The following EDA variants were observed in gnomAD, a reference collection of about 807,000 sequenced individuals.
The protein encoded by EDA is ectodysplasin-A.
Under a neutral mutation model 23.6 loss-of-function variants are expected in EDA, and 2 were observed. The observed-to-expected ratio is 0.08, with a 90% confidence interval of 0.03 to 0.27. EDA has a LOEUF of 0.27. Ranked by LOEUF, EDA falls within the 10% of genes least tolerant of loss-of-function variation. The probability of loss-of-function intolerance (pLI) is 1.00; values close to 1 mark genes in which losing one functional copy is unlikely to be tolerated. For synonymous variants in EDA, 131 were observed against 132.0 expected, an observed-to-expected ratio of 0.99 and a Z score of 0.05; for missense variants, 229 against 324.2, an observed-to-expected ratio of 0.71 and a Z score of 2.26.
At chrX:69,859,945 T>G (rs529118719) in intron 1 of EDA, among the ~76,000 whole-genome samples, 2 of 110,026 alleles carry the variant, frequency 1.8e-5, no homozygotes, top group Admixed American at 2.0e-4. Flanking sequence ...TTAGATCTTC[T>G]TTTTCAATAG....
chrX:69,924,195 T>C (rs893190467), intron 1 of EDA, among the ~76,000 whole-genome samples: 9 of 112,057 alleles, frequency 8.0e-5, no homozygotes, highest in Non-Finnish European at 1.5e-4. Context: ...CAATTTTGGC[T>C]TTTGTTGCAA....
intron 1 of EDA, among the ~76,000 whole-genome samples, chrX:69,700,601 C>T (rs764713933): frequency 4.5e-5 from 5 of 110,136 alleles, no homozygotes; most frequent in Non-Finnish European, 7.6e-5. Flanking sequence ...GGCAAGGAGG[C>T]GAGAAATGAT....
At chrX:69,635,476 C>T (rs1932755321) in intron 1 of EDA, among the ~76,000 whole-genome samples, 1 of 109,765 alleles carries the variant, frequency 9.1e-6, no homozygotes, top group South Asian at 4.0e-4. Context: ...GTGAGTACTA[C>T]TACCATTCAT....
At chrX:69,928,450 C>T (rs996264286) in intron 1 of EDA, among the ~76,000 whole-genome samples, 19 of 111,365 alleles carry the variant, frequency 1.7e-4, no homozygotes, top group African/African-American at 5.9e-4. Context: ...TGGAAATGCC[C>T]ATGTTATGTT....
At chrX:69,941,639 A>G (rs1259102342) in intron 1 of EDA, among the ~76,000 whole-genome samples, 2 of 110,422 alleles carry the variant, frequency 1.8e-5, no homozygotes, top group Non-Finnish European at 3.8e-5. Flanking sequence ...ATCTTTTCCC[A>G]TCCCTTTATT....
chrX:69,938,545 C>G (rs1602549145), intron 1 of EDA, among the ~76,000 whole-genome samples: 1 of 111,658 alleles, frequency 9.0e-6, no homozygotes, highest in Admixed American at 9.5e-5. Context: ...AATATTTTCT[C>G]CCATTCTGTG....
chrX:69,810,564 C>T (rs1402601945), intron 1 of EDA, among the ~76,000 whole-genome samples: 3 of 108,210 alleles, frequency 2.8e-5, no homozygotes, highest in African/African-American at 1.0e-4. Flanking sequence ...TGAGACCAGC[C>T]TGGCCAACAT....
chrX:69,713,649 T>G (rs1282779350), intron 1 of EDA, among the ~76,000 whole-genome samples: 1 of 112,030 alleles, frequency 8.9e-6, no homozygotes, highest in Non-Finnish European at 1.9e-5. Flanking sequence ...TTTTTTTCAC[T>G]TAGCATAGTC....
chrX:69,998,675 C>T (rs2019696574), intron 2 of EDA, among the ~76,000 whole-genome samples: 1 of 111,714 alleles, frequency 9.0e-6, no homozygotes, highest in South Asian at 3.8e-4. Flanking sequence ...TCCCATAATT[C>T]CCATGTTGTG....
intron 1 of EDA, among the ~76,000 whole-genome samples, chrX:69,792,385 T>C (rs927919690): frequency 8.9e-6 from 1 of 112,098 alleles, no homozygotes; most frequent in African/African-American, 3.2e-5. Flanking sequence ...GGCACTTAGG[T>C]TGCTCCCATA....
Position 69,999,639 on chromosome X carries a change from A to C in EDA, c.503-23579A>C, listed in dbSNP as rs2019713521. On this transcript the variant is annotated intron_variant, in intron 2 of 7. Coordinates refer to ENST00000374552, the MANE Select transcript of EDA (RefSeq NM_001399.5). ...CTCAGAGAAAAAAAAAAAAAAAGGAAAAAAAGAAAAAGAGAAAATGGGAGT... is the reference window on the plus strand; with the variant it reads ...CTCAGAGAAAAAAAAAAAAAAAGGACAAAAAGAAAAAGAGAAAATGGGAGT... Among the ~76,000 whole-genome samples, 3 of 107,841 alleles carry C rather than the reference A, an allele frequency of 2.8e-5. No individual in the cohort carries two copies. In the South Asian group the frequency reaches 1.2e-3, roughly 43 times the overall value. 93.6% of individuals were successfully genotyped at this position (107,841 alleles called of 115,157 possible).
At chrX:69,827,865 C>A (rs2016495613) in intron 1 of EDA, among the ~76,000 whole-genome samples, 1 of 111,603 alleles carries the variant, frequency 9.0e-6, no homozygotes. Flanking sequence ...TGGTGATGTA[C>A]AGATGGGTTT....
rs752108607 is a variant in EDA, at chrX:69,866,344, A to T, written c.397-90683A>T. 3.6e-5 allele frequency among the ~76,000 whole-genome samples: 4 copies of T among 111,592 alleles called. No individual in the cohort carries two copies. The East Asian group carries it at 1.1e-3, about 31-fold the overall frequency. ...TAGCCTGGGTCAACCACCCCAGCCA[A>T]CACTGTAACTCCCCTTTTACCCTGT... On this transcript the variant is annotated intron_variant, in intron 1 of 7. Transcript: ENST00000374552.
intron 2 of EDA, among the ~76,000 whole-genome samples, chrX:70,021,332 G>A (rs992799472): frequency 2.4e-4 from 27 of 111,867 alleles, no homozygotes; most frequent in African/African-American, 8.4e-4. Flanking sequence ...CAGCTGAAAC[G>A]GTCAAAAACT....
At chrX:69,778,856 T>C (rs776862227) in intron 1 of EDA, among the ~76,000 whole-genome samples, 7 of 111,696 alleles carry the variant, frequency 6.3e-5, no homozygotes, top group African/African-American at 1.9e-4. Context: ...TACCTTCAGC[T>C]GTTAGCAAAC....
intron 6 of EDA, among the ~76,000 whole-genome samples, chrX:70,031,449 A>C (rs970374283): frequency 8.9e-6 from 1 of 111,974 alleles, no homozygotes; most frequent in Non-Finnish European, 1.9e-5. Context: ...AGAGTGCACA[A>C]AGCCTAAAAT....
intron 1 of EDA, among the ~76,000 whole-genome samples, chrX:69,788,825 T>G (rs1293889823): frequency 8.8e-6 from 1 of 113,317 alleles, no homozygotes; most frequent in Non-Finnish European, 1.9e-5. Context: ...TCCACCCAGT[T>G]CCAGCTTCCC....
intron 1 of EDA, among the ~76,000 whole-genome samples, chrX:69,785,729 A>G (rs963022349): frequency 2.2e-4 from 24 of 106,917 alleles, no homozygotes; most frequent in Non-Finnish European, 4.5e-4. Context: ...ATCAATGTTC[A>G]TCAAGGATAT....
chrX:69,789,047 C>T (rs1389773638), intron 1 of EDA, among the ~76,000 whole-genome samples: 1 of 112,207 alleles, frequency 8.9e-6, no homozygotes, highest in Non-Finnish European at 1.9e-5. Context: ...TGGGAGTGAC[C>T]TGATTTTCCA....
Sources: gnomAD v4.1 joint callset for allele counts (sites outside exome capture counted in the v4.1 genomes callset) on GRCh38, gnomAD v4.1.1 for gene constraint, MANE v1.5 for transcripts, NCBI Gene and HGNC (gene_info 2026-07-23, HGNC 2026-07-21) for gene names.